The following GLRA2 variants were observed in gnomAD, a reference collection of about 807,000 sequenced individuals.
The protein encoded by GLRA2 is glycine receptor alpha 2, also known as glycine receptor subunit alpha-2.
A neutral mutation model predicts 31.6 loss-of-function variants in GLRA2; 11 were observed. The ratio of observed to expected loss-of-function variants is 0.35; its 90% CI spans 0.22 to 0.58. The LOEUF is 0.58. GLRA2 is among the 20% of genes least tolerant of loss of function. The probability of loss-of-function intolerance (pLI) is 0.84; values close to 1 mark genes in which losing one functional copy is unlikely to be tolerated. For missense variants in GLRA2, 212 were observed against 351.8 expected, an observed-to-expected ratio of 0.60 and a Z score of 3.18; for synonymous variants, 132 against 134.0, an observed-to-expected ratio of 0.99 and a Z score of 0.10.
intron 7 of GLRA2, among the ~76,000 whole-genome samples, chrX:14,612,595 C>T (rs997601138): frequency 2.7e-5 from 3 of 111,291 alleles, no homozygotes; most frequent in Non-Finnish European, 5.7e-5. Flanking sequence ...CAATGATAGA[C>T]TGGATTAAGA....
the GLRA2 span, among the ~76,000 whole-genome samples, chrX:14,478,332 T>C: frequency 5.4e-5 from 6 of 111,901 alleles, no homozygotes; most frequent in Non-Finnish European, 1.1e-4. Flanking sequence ...GAGTCGTAAG[T>C]AGAAGAATGT....
intron 8 of GLRA2, among the ~76,000 whole-genome samples, chrX:14,698,269 CT>C (rs971829294): frequency 1.8e-5 from 2 of 111,702 alleles, no homozygotes; most frequent in African/African-American, 6.5e-5. Context: ...GATTTTGCCC[CT>C]GAGGCCTCAC....
intron 4 of GLRA2, among the ~76,000 whole-genome samples, chrX:14,599,865 G>A (rs991068572): frequency 2.1e-4 from 24 of 111,633 alleles, no homozygotes; most frequent in East Asian, 2.8e-4. Flanking sequence ...TTAGATGCAC[G>A]GTAGACTGGA....
chrX:14,608,889 T>C, intron 6 of GLRA2, 102 bp from the exon 7 acceptor site: 1 of 477,573 alleles, frequency 2.1e-6, no homozygotes, highest in Non-Finnish European at 3.7e-6. Flanking sequence ...TCCAAATCCA[T>C]CTGCAGTAGT....
chrX:14,489,902 AT>A, the GLRA2 span, among the ~76,000 whole-genome samples: 90 of 110,602 alleles, frequency 8.1e-4, no homozygotes, highest in African/African-American at 1.6e-3. Context: ...TAAAGTGATT[AT>A]TTTTTTTCTT....
At chrX:14,695,252 A>G (rs746155400) in intron 8 of GLRA2, among the ~76,000 whole-genome samples, 1 of 111,776 alleles carries the variant, frequency 8.9e-6, no homozygotes, top group South Asian at 3.8e-4. Context: ...AAATGGTGAC[A>G]AACCTTAGAT....
chrX:14,537,222 G>A (rs1202010717), intron 2 of GLRA2, among the ~76,000 whole-genome samples: 1 of 111,630 alleles, frequency 9.0e-6, no homozygotes. Context: ...ATGCACAAAT[G>A]TTGTGTTTGT....
At chrX:14,464,620 G>C in the GLRA2 span, among the ~76,000 whole-genome samples, 3 of 111,607 alleles carry the variant, frequency 2.7e-5, no homozygotes, top group Non-Finnish European at 5.6e-5. Context: ...GCAGTGGTGC[G>C]ATCTCGGCTC....
intron 8 of GLRA2, among the ~76,000 whole-genome samples, chrX:14,724,274 G>A (rs1322778743): frequency 1.8e-5 from 2 of 111,033 alleles, no homozygotes; most frequent in African/African-American, 6.6e-5. Flanking sequence ...CTTGTTCATT[G>A]CTGTAACTCT....
At chrX:14,492,730 A>C in the GLRA2 span, among the ~76,000 whole-genome samples, 1 of 111,507 alleles carries the variant, frequency 9.0e-6, no homozygotes, top group African/African-American at 3.3e-5. Context: ...TGAGAACCAA[A>C]ATTTCTAAAT....
At chrX:14,469,130 A>G in the GLRA2 span, among the ~76,000 whole-genome samples, 1 of 111,043 alleles carries the variant, frequency 9.0e-6, no homozygotes, top group South Asian at 3.8e-4. Context: ...GTTCACTCTG[A>G]TGGTAGTTTC....
intron 8 of GLRA2, among the ~76,000 whole-genome samples, chrX:14,692,793 T>G (rs1351582003): frequency 8.9e-6 from 1 of 112,077 alleles, no homozygotes; most frequent in Non-Finnish European, 1.9e-5. Context: ...TTTGAAATGC[T>G]GTGTGAAGGA....
chrX:14,547,462 G>C (rs1429900542), intron 2 of GLRA2, among the ~76,000 whole-genome samples: 1 of 111,414 alleles, frequency 9.0e-6, no homozygotes, highest in Non-Finnish European at 1.9e-5. Flanking sequence ...GTCTGAGGTT[G>C]AGTTTCCAAG....
chrX:14,489,054 C>G, the GLRA2 span, among the ~76,000 whole-genome samples: 4 of 112,069 alleles, frequency 3.6e-5, no homozygotes, highest in Non-Finnish European at 7.5e-5. Context: ...TGGCTGCATA[C>G]TGAATAAAAA....
chrX:14,493,568 T>TACATATATACATATATAC, the GLRA2 span, among the ~76,000 whole-genome samples: 9 of 104,120 alleles, frequency 8.6e-5, no homozygotes, highest in South Asian at 1.2e-3. Flanking sequence ...TACACATATA[T>TACATATATACATATATAC]ACATATATAC....
At chrX:14,634,744 G>C (rs1039455025) in intron 7 of GLRA2, among the ~76,000 whole-genome samples, 2 of 111,842 alleles carry the variant, frequency 1.8e-5, no homozygotes, top group African/African-American at 6.5e-5. Flanking sequence ...TTAAAGACTA[G>C]CCTACTGACA....
At chrX:14,556,682 A>C (rs2089646706) in intron 2 of GLRA2, among the ~76,000 whole-genome samples, 1 of 112,223 alleles carries the variant, frequency 8.9e-6, no homozygotes, top group African/African-American at 3.2e-5. Flanking sequence ...TAAGGTCACT[A>C]TGATCCCGCA....
chrX:14,627,996 A>G, intron 7 of GLRA2, among the ~76,000 whole-genome samples: 1 of 111,289 alleles, frequency 9.0e-6, no homozygotes, highest in Middle Eastern at 4.7e-3. Context: ...GATTAGTCTA[A>G]TATAATTTCA....
chrX:14,648,981 C>T (rs2090860788), intron 7 of GLRA2, among the ~76,000 whole-genome samples: 2 of 111,279 alleles, frequency 1.8e-5, no homozygotes, highest in Admixed American at 9.5e-5. Context: ...TTTGCAAGGC[C>T]GAGGCGGGCG....
Sources: allele counts gnomAD v4.1 joint callset (sites outside exome capture counted in the v4.1 genomes callset), GRCh38; gene constraint gnomAD v4.1.1; transcripts MANE v1.5; gene names NCBI Gene and HGNC (gene_info 2026-07-23, HGNC 2026-07-21).